CRTC2: variants seen among roughly 807,000 people sequenced by gnomAD.
The protein encoded by CRTC2 is CREB regulated transcription coactivator 2.
Under a neutral mutation model 70.9 loss-of-function variants are expected in CRTC2, and 25 were observed. The ratio of observed to expected loss-of-function variants is 0.35; its 90% CI spans 0.26 to 0.49. CRTC2 has a LOEUF of 0.49. Among genes scored for constraint, CRTC2 ranks in the 20% least tolerant of loss-of-function variants. CRTC2 has a pLI of 0.98. For synonymous variants in CRTC2, 330 were observed against 364.1 expected (o/e 0.91, Z 1.07); for missense variants, 737 against 882.6 (o/e 0.83, Z 2.09).
intron 6 of CRTC2, 131 bp from the exon 7 acceptor site, chr1:153,952,965 C>A (rs902998010): frequency 2.1e-5 from 24 of 1,137,434 alleles, no homozygotes; most frequent in Non-Finnish European, 7.9e-6. Context: ...AGGTGGATCA[C>A]GAGGTCAGGA....
chr1:153,948,000 G>A lies in CRTC2; in HGVS notation c.*109C>T. 1 of 1,097,038 alleles carries A rather than the reference G, an allele frequency of 9.1e-7. No homozygotes were observed. Among genetic ancestry groups the A allele is most frequent in the Non-Finnish European group, 1.4e-6 (1 of 739,158 alleles). 68.0% of individuals were successfully genotyped at this position (1,097,038 alleles called of 1,614,324 possible). A position where few individuals can be genotyped will look rare whatever the true frequency, so the allele number is the denominator to read the frequency against. On this transcript the variant is annotated 3_prime_UTR_variant, in exon 14 of 14. Coordinates refer to ENST00000368633, the MANE Select transcript of CRTC2 (RefSeq NM_181715.3). ...TTCTTGGCATCCTTCATTCATGCTA[G>A]AAAGAGGATCTGGGGACAGAGAGTA... is the stretch of plus-strand genomic sequence containing the variant.
intron 12 of CRTC2, 135 bp downstream of exon 12, chr1:153,948,980 C>T (rs946313220): frequency 5.8e-5 from 57 of 974,772 alleles, no homozygotes; most frequent in Admixed American, 1.1e-4. Flanking sequence ...ATGTTACCTC[C>T]GGGGAGAGGA....
At chr1:153,951,899 G>T (rs765263592) in intron 10 of CRTC2, 119 bp downstream of exon 10, 1 of 1,358,534 alleles carries the variant, frequency 7.4e-7, no homozygotes, top group Non-Finnish European at 1.0e-6. Flanking sequence ...ATCCTGGGGT[G>T]CAGAGGTGAC....
chr1:153,958,109 C>A (rs2102127360), intron 1 of CRTC2: 1 of 1,392,476 alleles, frequency 7.2e-7, no homozygotes. Context: ...ACTCCCACCT[C>A]ACGTACTCGG....
rs139525841 is a variant in CRTC2, at chr1:153,953,965, C to A, written c.434+290G>T. ...ACAGAAGGTTGCCATTTTCACCTGC[C>A]CCTCTGCCATTCTCCCCTCCCCCTT... On this transcript the variant is annotated intron_variant, in intron 4 of 13. Coordinates refer to ENST00000368633, the MANE Select transcript of CRTC2 (RefSeq NM_181715.3). Among the ~76,000 whole-genome samples the A allele has an allele frequency of 2.0e-5, 3 of 152,248 alleles. No individual in the cohort carries two copies. In the East Asian group the frequency reaches 5.8e-4, roughly 29 times the overall value.
rs1203452854 is a variant in CRTC2 at position 153,951,909 on chromosome 1, C to T, written c.997+109G>A. ...AGGGAATCCTGGGGTGCAGAGGTGA[C>T]AGGCGGTGTGGGTGATCACAGCAGG... On this transcript the variant is annotated intron_variant, in intron 10 of 13. Coordinates refer to ENST00000368633, the MANE Select transcript of CRTC2 (RefSeq NM_181715.3). 3 of 1,417,226 alleles carry T rather than the reference C, an allele frequency of 2.1e-6. No homozygotes were observed. In the African/African-American group the frequency reaches 4.3e-5, roughly 20 times the overall value. 87.8% of individuals were successfully genotyped at this position (1,417,226 alleles called of 1,614,324 possible). A position where few individuals can be genotyped will look rare whatever the true frequency, so the allele number is the denominator to read the frequency against.
intron 1 of CRTC2, 174 bp downstream of exon 1, chr1:153,958,171 G>A (rs1382756819): frequency 1.4e-6 from 2 of 1,420,604 alleles, no homozygotes; most frequent in Non-Finnish European, 1.8e-6. Flanking sequence ...GTCTCCCCCG[G>A]CAAAATCCTT....
At position 153,949,288 on chromosome 1, in the gene CRTC2, T is replaced by C. The variant is rs1452793655; in HGVS notation, c.1501A>G (p.Thr501Ala). ...CCTGGCTGCTGTAGAGACTTTGGGG[T>C]GTGGGGCTGGGTAGGCAGAACCAGA... ...PSLVLPTQPH[T>A]PKSLQQPGLP... The change falls in exon 12 of 14, where the codon ACC becomes GCC. Residue 501 changes from threonine to alanine, a missense_variant. This residue lies in a region of CRTC2 where 699 missense variants were observed against 823.7 expected (regional missense o/e 0.85). Coordinates refer to ENST00000368633, the MANE Select transcript of CRTC2 (RefSeq NM_181715.3). 1 of 1,613,702 alleles carries C rather than the reference T, an allele frequency of 6.2e-7. No individual in the cohort carries two copies. The highest frequency in any genetic ancestry group is 1.7e-5 in the Admixed American group (1 of 59,978).
chr1:153,950,253 T>A (rs144960831), intron 11 of CRTC2, among the ~76,000 whole-genome samples: 334 of 152,342 alleles, frequency 2.2e-3, no homozygotes, highest in African/African-American at 7.7e-3. Context: ...CTTGAACTAT[T>A]TATTGTTAGT....
At chr1:153,949,919 T>G (rs1459198623) in intron 11 of CRTC2, among the ~76,000 whole-genome samples, 1 of 152,160 alleles carries the variant, frequency 6.6e-6, no homozygotes, top group Non-Finnish European at 1.5e-5. Flanking sequence ...ATTTTAAATC[T>G]ACTCCAGAAG....
chr1:153,958,547 C>T lies in CRTC2; in HGVS notation c.-50G>A, dbSNP rs777661866. The stretch of plus-strand genomic sequence containing the variant: ...ACCCTCCCAGTACCAGCCGCGGCCT[C>T]CGCCGCGGCCTCGGCCCGGCTCCTC... On this transcript the variant is annotated 5_prime_UTR_variant, in exon 1 of 14. Coordinates refer to ENST00000368633, the MANE Select transcript of CRTC2 (RefSeq NM_181715.3). 2 of 1,510,030 alleles carry T rather than the reference C, an allele frequency of 1.3e-6. No homozygotes were observed. The highest frequency in any genetic ancestry group is 4.8e-5 in the East Asian group (2 of 41,822). The allele number at this position is 1,510,030 out of a possible 1,614,324, so 93.5% of individuals were successfully genotyped here. A position where few individuals can be genotyped will look rare whatever the true frequency, so the allele number is the denominator to read the frequency against.
Position 153,951,599 on chromosome 1 carries a change from G to C in CRTC2, c.1065C>G (p.Ser355=). 2.5e-6 allele frequency: 4 copies of C among 1,613,604 alleles called. No individual in the cohort carries two copies. The highest frequency in any genetic ancestry group is 3.4e-6 in the Non-Finnish European group (4 of 1,179,814). Residue 355 remains serine (S), a synonymous_variant, in exon 11 of 14, where the codon TCC becomes TCG. Coordinates refer to ENST00000368633, the MANE Select transcript of CRTC2 (RefSeq NM_181715.3). Reference sequence around the variant, plus strand: ...GAAGCTGGGGCTGAGGACTGCTCAGGGAAGCCTGGAGGTTGGGATTGCTTA... The same window carrying C: ...GAAGCTGGGGCTGAGGACTGCTCAGCGAAGCCTGGAGGTTGGGATTGCTTA... ...SSLSNPNLQA[S]LSSPQPQLQG...
chr1:153,952,219 G>C lies in CRTC2; in HGVS notation c.796C>G (p.Pro266Ala). 6.2e-7 allele frequency: 1 copy of C among 1,612,340 alleles called. No homozygotes were observed. Among genetic ancestry groups the C allele is most frequent in the South Asian group, 1.1e-5 (1 of 90,986 alleles). ...PDQPANVPVL[P>A]PAMNTGGSLP... ...GAGCCCCCCGTGTTCATGGCAGGTG[G>C]GAGGACAGGCACATTGGCAGGCTGG... Residue 266 changes from proline (P) to alanine (A), a missense_variant, in exon 10 of 14, where the codon CCA (proline) becomes GCA (alanine). Physicochemically the swap from Pro to Ala is conservative, Grantham distance 27. Transcript: ENST00000368633.
At chr1:153,951,755 C>A (rs1156491283) in intron 10 of CRTC2, 89 bp from the exon 11 acceptor site, 4 of 1,423,874 alleles carry the variant, frequency 2.8e-6, no homozygotes, top group East Asian at 4.6e-5. Context: ...AGTGACCAGA[C>A]TATGAAAGCG....
chr1:153,950,453 C>T (rs1015777584), intron 11 of CRTC2, among the ~76,000 whole-genome samples: 4 of 152,076 alleles, frequency 2.6e-5, no homozygotes, highest in Non-Finnish European at 5.9e-5. Context: ...AAAGATGGAA[C>T]ACAGAACACA....
At chr1:153,948,934 A>C (rs1680171169) in intron 12 of CRTC2, 181 bp downstream of exon 12, 1 of 771,138 alleles carries the variant, frequency 1.3e-6, no homozygotes, top group Non-Finnish European at 2.2e-6. Context: ...AGTAGGGTCA[A>C]ACGCAGGAAG....
Position 153,947,974 on chromosome 1 carries a change from A to T in CRTC2, c.*135T>A. On this transcript the variant is annotated 3_prime_UTR_variant, in exon 14 of 14. Coordinates refer to ENST00000368633, the MANE Select transcript of CRTC2 (RefSeq NM_181715.3). ...CTGGACAAACCCCTTGCTTTTTCTC[A>T]TTCTTGGCATCCTTCATTCATGCTA... The T allele has an allele frequency of 2.1e-6, 2 of 933,142 alleles. No homozygotes were observed. Among genetic ancestry groups the T allele is most frequent in the Admixed American group, 2.2e-5 (1 of 45,042 alleles). 57.8% of individuals were successfully genotyped at this position (933,142 alleles called of 1,614,324 possible).
chr1:153,949,331 G>A lies in CRTC2; in HGVS notation c.1458C>T (p.Tyr486=). 1 of 1,613,936 alleles carries A rather than the reference G, an allele frequency of 6.2e-7. No individual in the cohort carries two copies. The highest frequency in any genetic ancestry group is 1.3e-5 in the African/African-American group (1 of 75,032). Residue 486 remains tyrosine (Y), a synonymous_variant, in exon 12 of 14, where the codon TAC becomes TAT. Coordinates refer to ENST00000368633, the MANE Select transcript of CRTC2 (RefSeq NM_181715.3). ...KLSTDQRLPP[Y]PYSSPSLVLP... ...GAACCAGACTTGGGGAGCTGTATGGGTATGGGGGTAACCGCTGGTCAGTGG... is the reference window on the plus strand; with the variant it reads ...GAACCAGACTTGGGGAGCTGTATGGATATGGGGGTAACCGCTGGTCAGTGG...
Position 153,947,942 on chromosome 1 carries a change from G to A in CRTC2, c.*167C>T. On this transcript the variant is annotated 3_prime_UTR_variant, in exon 14 of 14. Transcript: ENST00000368633. ...GGCCCATCCCTTGCGCAGAATTCAG[G>A]GGCCACCTGGACAAACCCCTTGCTT... 1.4e-6 allele frequency: 1 copy of A among 723,524 alleles called. No individual in the cohort carries two copies. Among genetic ancestry groups the A allele is most frequent in the Admixed American group, 2.4e-5 (1 of 41,136 alleles). 44.8% of individuals were successfully genotyped at this position (723,524 alleles called of 1,614,324 possible).
Sources: allele counts gnomAD v4.1 joint callset (sites outside exome capture counted in the v4.1 genomes callset), GRCh38; gene constraint gnomAD v4.1.1; regional missense constraint gnomAD v4.1.1; transcripts MANE v1.5; gene names NCBI Gene and HGNC (gene_info 2026-07-23, HGNC 2026-07-21).